Variants in MYO3B observed in about 807,000 individuals in gnomAD.
MYO3B encodes the protein myosin IIIB, also known as myosin-IIIb.
A neutral mutation model predicts 174.6 loss-of-function variants in MYO3B; 156 were observed. The observed-to-expected ratio is 0.89, with a 90% CI of 0.78 to 1.02. MYO3B has a LOEUF of 1.02. Ranked by LOEUF, MYO3B falls within the 50% of genes least tolerant of loss-of-function variation. The pLI, the probability that MYO3B is intolerant of heterozygous loss-of-function variation, is 0.00. For missense variants in MYO3B, 1,632 were observed against 1,639.4 expected, an observed-to-expected ratio of 1.00 and a Z score of 0.08; for synonymous variants, 563 against 569.1, an observed-to-expected ratio of 0.99 and a Z score of 0.15.
chr2:170,307,999 A>G (rs1164102042), intron 7 of MYO3B, among the ~76,000 whole-genome samples: 1 of 152,204 alleles, frequency 6.6e-6, no homozygotes, highest in Non-Finnish European at 1.5e-5. Flanking sequence ...ACAGATGTAA[A>G]GAATGATTTA....
intron 1 of MYO3B, among the ~76,000 whole-genome samples, chr2:170,187,016 T>C (rs577374040): frequency 6.6e-6 from 1 of 151,940 alleles, no homozygotes; most frequent in East Asian, 1.9e-4. Flanking sequence ...TTTTTTTTTT[T>C]TTAAGTCTGG....
intron 27 of MYO3B, 42 bp from the exon 28 acceptor site, chr2:170,501,743 T>C: frequency 7.2e-7 from 1 of 1,393,734 alleles, no homozygotes; most frequent in Non-Finnish European, 1.0e-6. Flanking sequence ...TGGCACGTTC[T>C]TAAATTAATG....
At chr2:170,372,276 G>T (rs548227882) in intron 9 of MYO3B, among the ~76,000 whole-genome samples, 1 of 152,188 alleles carries the variant, frequency 6.6e-6, no homozygotes, top group South Asian at 2.1e-4. Flanking sequence ...TGAGGGTTAA[G>T]TGAGTCAATA....
At chr2:170,354,267 T>C (rs888756445) in intron 8 of MYO3B, among the ~76,000 whole-genome samples, 5 of 152,206 alleles carry the variant, frequency 3.3e-5, no homozygotes, top group Non-Finnish European at 7.3e-5. Context: ...TCAGTTCTGG[T>C]TCCTTTTTTT....
chr2:170,498,615 C>A lies in MYO3B; in HGVS notation c.3038C>A (p.Ala1013Glu). 6.2e-7 allele frequency: 1 copy of A among 1,613,774 alleles called. No homozygotes were observed. Among genetic ancestry groups the A allele is most frequent in the East Asian group, 2.2e-5 (1 of 44,868 alleles). ...AGGTATTATTACTTGGCATTCACAG[C>A]ACATCAAACACCTCTTGCTAGCAAA... ...VKRYYYLAFTAHQTPLASKES... is the reference protein window; with the variant it reads ...VKRYYYLAFTEHQTPLASKES... The change falls in exon 26 of 35, where the codon GCA (alanine) becomes GAA (glutamate). Residue 1013 changes from alanine (A) to glutamate (E), a missense_variant. By Grantham distance (107) the Ala-to-Glu change is moderately radical. Transcript: ENST00000408978.
intron 7 of MYO3B, among the ~76,000 whole-genome samples, chr2:170,258,509 T>C (rs1039184105): frequency 3.3e-5 from 5 of 151,902 alleles, no homozygotes; most frequent in Non-Finnish European, 4.4e-5. Flanking sequence ...TAAAATCCGA[T>C]ATTCAGTTAA....
chr2:170,633,269 C>A (rs1697173554), intron 32 of MYO3B, among the ~76,000 whole-genome samples: 1 of 152,166 alleles, frequency 6.6e-6, no homozygotes, highest in Non-Finnish European at 1.5e-5. Flanking sequence ...AAAGCTTATC[C>A]ACCAAAATCA....
At chr2:170,601,759 T>C (rs969359398) in intron 32 of MYO3B, 13 of 1,400,658 alleles carry the variant, frequency 9.3e-6, no homozygotes, top group Non-Finnish European at 1.3e-5. Flanking sequence ...AGCTGTATCC[T>C]TTTTGTATTT....
At chr2:170,593,562 A>G (rs1329640383) in intron 32 of MYO3B, among the ~76,000 whole-genome samples, 2 of 152,252 alleles carry the variant, frequency 1.3e-5, no homozygotes, top group African/African-American at 2.4e-5. Flanking sequence ...GCAGATCTGA[A>G]TATCAGCTAA....
chr2:170,380,003 A>G (rs1047288537), intron 9 of MYO3B, among the ~76,000 whole-genome samples: 4 of 152,182 alleles, frequency 2.6e-5, no homozygotes, highest in African/African-American at 2.4e-5. Flanking sequence ...CTTCCTTTTT[A>G]CCTACTTTTG....
At chr2:170,331,631 A>C (rs915602988) in intron 7 of MYO3B, among the ~76,000 whole-genome samples, 1 of 152,200 alleles carries the variant, frequency 6.6e-6, no homozygotes, top group Non-Finnish European at 1.5e-5. Context: ...CATGGGTCTC[A>C]GTGGGCTAAA....
chr2:170,277,919 T>C (rs1014778476), intron 7 of MYO3B, among the ~76,000 whole-genome samples: 1 of 152,230 alleles, frequency 6.6e-6, no homozygotes, highest in African/African-American at 2.4e-5. Context: ...ATCTGAATAT[T>C]CCTGATAGAA....
At chr2:170,278,294 T>A (rs2093478395) in intron 7 of MYO3B, among the ~76,000 whole-genome samples, 1 of 152,176 alleles carries the variant, frequency 6.6e-6, no homozygotes, top group Non-Finnish European at 1.5e-5. Context: ...ACAGCAAGGA[T>A]GTAGGAAAGG....
chr2:170,190,022 GT>G (rs2092520043), intron 1 of MYO3B, among the ~76,000 whole-genome samples: 1 of 152,194 alleles, frequency 6.6e-6, no homozygotes, highest in African/African-American at 2.4e-5. Flanking sequence ...TGTGATCTAA[GT>G]TTTTGGTCAC....
At position 170,600,747 on chromosome 2, in the gene MYO3B, G is replaced by T. The variant is rs185999142; in HGVS notation, c.3734-50881G>T. Among the ~76,000 whole-genome samples the T allele has an allele frequency of 1.3e-4, 20 of 152,282 alleles. No homozygotes were observed. In the East Asian group the frequency reaches 1.7e-3, roughly 13 times the overall value. On this transcript the variant is annotated intron_variant, in intron 32 of 34. Transcript: ENST00000408978. The stretch of plus-strand genomic sequence containing the variant: ...GATACATTCTCAGGTCTTCTTTAAT[G>T]TGGGAACTGCAAAATATCACTGCCA...
intron 32 of MYO3B, among the ~76,000 whole-genome samples, chr2:170,553,860 G>A (rs1691095036): frequency 6.6e-6 from 1 of 152,096 alleles, no homozygotes; most frequent in Non-Finnish European, 1.5e-5. Context: ...TCTCATGATA[G>A]TGAGTGAGTT....
chr2:170,524,480 A>T (rs1374837283), intron 30 of MYO3B: 3 of 446,958 alleles, frequency 6.7e-6, no homozygotes, highest in Non-Finnish European at 1.3e-5. Flanking sequence ...CACTGTGCTA[A>T]GTGGTTTTGT....
intron 9 of MYO3B, among the ~76,000 whole-genome samples, chr2:170,378,235 C>T (rs2105721799): frequency 6.6e-6 from 1 of 152,042 alleles, no homozygotes; most frequent in African/African-American, 2.4e-5. Context: ...TACGATAGAC[C>T]CTCCAAACCC....
chr2:170,405,112 A>G (rs1339817265), intron 20 of MYO3B, among the ~76,000 whole-genome samples: 1 of 152,252 alleles, frequency 6.6e-6, no homozygotes, highest in African/African-American at 2.4e-5. Flanking sequence ...AGGAACAAAA[A>G]GTTTCAAGCC....
Sources: allele counts gnomAD v4.1 joint callset (sites outside exome capture counted in the v4.1 genomes callset), GRCh38; gene constraint gnomAD v4.1.1; transcripts MANE v1.5; gene names NCBI Gene and HGNC (gene_info 2026-07-23, HGNC 2026-07-21).